Variants in GPA33 observed in about 807,000 individuals in gnomAD.
The protein encoded by GPA33 is cell surface A33 antigen.
In GPA33, 27 loss-of-function variants were observed where a neutral mutation model predicts 35.6. That is an observed-to-expected ratio of 0.76 (90% CI 0.56 to 1.04). The LOEUF (loss-of-function observed/expected upper bound fraction) is 1.04, where lower values mean the gene tolerates loss of function less well. GPA33 is among the 50% of genes least tolerant of loss of function. The probability of loss-of-function intolerance (pLI) is 0.00; values close to 1 mark genes in which losing one functional copy is unlikely to be tolerated. For synonymous variants in GPA33, 176 were observed against 164.0 expected, an observed-to-expected ratio of 1.07 and a Z score of -0.56; for missense variants, 428 against 411.9, an observed-to-expected ratio of 1.04 and a Z score of -0.34.
chr1:167,084,308 G>A (rs1164603105), intron 1 of GPA33, among the ~76,000 whole-genome samples: 2 of 152,158 alleles, frequency 1.3e-5, no homozygotes, highest in African/African-American at 2.4e-5. Flanking sequence ...AGGTGGCAGA[G>A]GAAATGGAGA....
At chr1:167,054,641 T>A (rs1390148027) in intron 6 of GPA33, among the ~76,000 whole-genome samples, 175 bp from the exon 7 acceptor site, 1 of 152,080 alleles carries the variant, frequency 6.6e-6, no homozygotes, top group Admixed American at 6.5e-5. Flanking sequence ...ACAGACTTGT[T>A]CCACGCATGA....
chr1:167,067,156 T>C (rs1180014449), intron 3 of GPA33, among the ~76,000 whole-genome samples: 1 of 152,166 alleles, frequency 6.6e-6, no homozygotes, highest in Non-Finnish European at 1.5e-5. Flanking sequence ...TTTGCTTGCT[T>C]GCTCGCTTGC....
At chr1:167,087,946 T>C (rs12133491) in intron 1 of GPA33, among the ~76,000 whole-genome samples, 63,083 of 150,770 alleles carry the variant, frequency 0.42, 13,613 homozygotes, top group African/African-American at 0.47. Flanking sequence ...CAGACCAACT[T>C]TTAGTCGGTT....
intron 1 of GPA33, among the ~76,000 whole-genome samples, chr1:167,089,947 C>T (rs1014021204): frequency 3.3e-5 from 5 of 152,018 alleles, no homozygotes; most frequent in African/African-American, 1.2e-4. Flanking sequence ...ATACTTTGTC[C>T]ACATTGTCAA....
At chr1:167,087,529 A>T (rs549059621) in intron 1 of GPA33, among the ~76,000 whole-genome samples, 1 of 152,284 alleles carries the variant, frequency 6.6e-6, no homozygotes, top group South Asian at 2.1e-4. Context: ...GTCCCCTGGG[A>T]TGGCAGTGGA....
chr1:167,090,223 G>A lies in GPA33; in HGVS notation c.43+22C>T, dbSNP rs1667127082. Reference sequence around the variant, plus strand: ...ATGTCTCACCCACCCCTGGGCACTGGAGAGAAAAGGGGCCTACTCACCTGC... The same window carrying A: ...ATGTCTCACCCACCCCTGGGCACTGAAGAGAAAAGGGGCCTACTCACCTGC... On this transcript the variant is annotated intron_variant, in intron 1 of 6. Transcript: ENST00000367868. 8 of 1,592,510 alleles carry A rather than the reference G, an allele frequency of 5.0e-6. No individual in the cohort carries two copies. The South Asian group carries it at 8.8e-5, about 18-fold the overall frequency.
chr1:167,062,764 G>A (rs540218025), intron 4 of GPA33, among the ~76,000 whole-genome samples: 12 of 145,162 alleles, frequency 8.3e-5, no homozygotes, highest in African/African-American at 2.8e-4. Flanking sequence ...CCCTAAGAAG[G>A]TGGGACCCTT....
At chr1:167,072,524 T>A (rs1666739563) in intron 2 of GPA33, among the ~76,000 whole-genome samples, 1 of 152,216 alleles carries the variant, frequency 6.6e-6, no homozygotes, top group Non-Finnish European at 1.5e-5. Flanking sequence ...CTTTTTCACA[T>A]GACCCAGAGT....
At chr1:167,082,857 G>T (rs1269981616) in intron 1 of GPA33, among the ~76,000 whole-genome samples, 1 of 152,196 alleles carries the variant, frequency 6.6e-6, no homozygotes, top group South Asian at 2.1e-4. Context: ...AGAAAATGAG[G>T]AAGCAGTCCA....
chr1:167,075,605 G>C (rs983921190), intron 1 of GPA33, among the ~76,000 whole-genome samples: 8 of 152,204 alleles, frequency 5.3e-5, no homozygotes, highest in Non-Finnish European at 1.5e-5. Context: ...AGACACCCTG[G>C]TGGAGGTGGC....
chr1:167,067,228 G>A (rs890383056), intron 3 of GPA33, among the ~76,000 whole-genome samples: 5 of 151,918 alleles, frequency 3.3e-5, no homozygotes, highest in African/African-American at 1.2e-4. Context: ...GCTCGATCAC[G>A]GCTCATTGCA....
At chr1:167,055,422 G>A (rs566647131) in intron 5 of GPA33, among the ~76,000 whole-genome samples, 2 of 152,276 alleles carry the variant, frequency 1.3e-5, no homozygotes, top group Admixed American at 6.5e-5. Flanking sequence ...CAGACTCTGC[G>A]GCAGCTGCCC....
chr1:167,063,379 C>T (rs1469960653), intron 4 of GPA33, among the ~76,000 whole-genome samples: 2 of 152,318 alleles, frequency 1.3e-5, no homozygotes, highest in East Asian at 3.9e-4. Context: ...AACTGCACTC[C>T]AGCCTGGGCC....
chr1:167,059,532 C>T (rs909270067), intron 4 of GPA33, among the ~76,000 whole-genome samples: 1 of 152,128 alleles, frequency 6.6e-6, no homozygotes, highest in African/African-American at 2.4e-5. Context: ...TGCCACCTCT[C>T]TCTCACAAAG....
rs1666210910 is a variant in GPA33 at position 167,055,091 on chromosome 1, A to G, written c.712T>C (p.Tyr238His). The G allele has an allele frequency of 6.2e-7, 1 of 1,612,674 alleles. No individual in the cohort carries two copies. Among genetic ancestry groups the G allele is most frequent in the African/African-American group, 1.3e-5 (1 of 74,780 alleles). Residue 238 changes from tyrosine (Y) to histidine (H), a missense_variant, in exon 6 of 7, where the codon TAT (tyrosine) becomes CAT (histidine). Coordinates refer to ENST00000367868, the MANE Select transcript of GPA33 (RefSeq NM_005814.3). ...VRSPSMNVAL[Y>H]VGIAVGVVAA... is the part of the protein sequence containing the mutation. ...ACCACGCCCACCGCGATGCCCACAT[A>G]CAGGGCCACGTTCATGGAGGCTGCA...
Position 167,090,270 on chromosome 1 carries a change from C to G in GPA33, c.18G>C (p.Trp6Cys), listed in dbSNP as rs759417980. 2 of 1,613,622 alleles carry G rather than the reference C, an allele frequency of 1.2e-6. No individual in the cohort carries two copies. Among genetic ancestry groups the G allele is most frequent in the Non-Finnish European group, 1.7e-6 (2 of 1,179,570 alleles). The change falls in exon 1 of 7, where the codon TGG becomes TGC. Residue 6 changes from tryptophan to cysteine, a missense_variant. Physicochemically the swap from Trp to Cys is radical, Grantham distance 215. Coordinates refer to ENST00000367868, the MANE Select transcript of GPA33 (RefSeq NM_005814.3). Reference protein sequence around the residue: MVGKMWPVLWTLCAVR... With the variant: MVGKMCPVLWTLCAVR... Reference sequence around the variant, plus strand: ...CTGCACAGAGTGTCCACAACACAGGCCACATCTTCCCCACCATGGTCTTGC... The same window carrying G: ...CTGCACAGAGTGTCCACAACACAGGGCACATCTTCCCCACCATGGTCTTGC...
rs1004589120 is a variant in GPA33, at chr1:167,054,201, C to T, written c.*133G>A. 2 of 1,189,920 alleles carry T rather than the reference C, an allele frequency of 1.7e-6. No homozygotes were observed. Among genetic ancestry groups the T allele is most frequent in the East Asian group, 2.4e-5 (1 of 42,362 alleles). The allele number at this position is 1,189,920 out of a possible 1,614,324, so 73.7% of individuals were successfully genotyped here. On this transcript the variant is annotated 3_prime_UTR_variant, in exon 7 of 7. Coordinates refer to ENST00000367868, the MANE Select transcript of GPA33 (RefSeq NM_005814.3). ...CCAGCCATGTTCCCCACAGCTGACACTGGGGAAGAAATGTCCCCATCAATG... is the reference window on the plus strand; with the variant it reads ...CCAGCCATGTTCCCCACAGCTGACATTGGGGAAGAAATGTCCCCATCAATG...
intron 2 of GPA33, among the ~76,000 whole-genome samples, chr1:167,071,683 G>C (rs1666725029): frequency 1.3e-5 from 2 of 152,154 alleles, no homozygotes; most frequent in African/African-American, 4.8e-5. Flanking sequence ...GCTCTTTTCT[G>C]ATGCTGACTG....
chr1:167,059,806 GAGTGAC>G (rs1324805808), intron 4 of GPA33, among the ~76,000 whole-genome samples: 1 of 152,192 alleles, frequency 6.6e-6, no homozygotes, highest in Non-Finnish European at 1.5e-5. Context: ...GAGAGGCTGT[GAGTGAC>G]TCACAGCTCC....
Sources: allele counts gnomAD v4.1 joint callset (sites outside exome capture counted in the v4.1 genomes callset), GRCh38; gene constraint gnomAD v4.1.1; transcripts MANE v1.5; gene names NCBI Gene and HGNC (gene_info 2026-07-23, HGNC 2026-07-21).